Variants in USH2A observed in about 807,000 individuals in gnomAD.
The protein encoded by USH2A is usherin, also known as Usher syndrome 2A (autosomal recessive, mild).
Under a neutral mutation model 538.9 loss-of-function variants are expected in USH2A, and 443 were observed. The ratio of observed to expected loss-of-function variants is 0.82; its 90% CI spans 0.76 to 0.89. The LOEUF (loss-of-function observed/expected upper bound fraction) is 0.89, where lower values mean the gene tolerates loss of function less well. Among genes scored for constraint, USH2A ranks in the 40% least tolerant of loss-of-function variants. The pLI, the probability that USH2A is intolerant of heterozygous loss-of-function variation, is 0.00. For missense variants in USH2A, 6,633 were observed against 6,324.8 expected (o/e 1.05, Z -1.65); for synonymous variants, 2,413 against 2,273.5 (o/e 1.06, Z -1.75).
rs140218947 is a variant in USH2A, at chr1:216,338,029, T to C, written c.785-10375A>G. On this transcript the variant is annotated intron_variant, in intron 4 of 71. Transcript: ENST00000307340. ...AGACATAAAAGAAGATCTAAATAAA[T>C]AGAATGATATACTATGATCATGGAT... is the stretch of plus-strand genomic sequence containing the variant. Among the ~76,000 whole-genome samples, 203 of 151,418 alleles carry C rather than the reference T, an allele frequency of 1.3e-3. 1 individual carries two copies. The highest frequency in any genetic ancestry group is 7.0e-4 in the Non-Finnish European group (47 of 67,490).
chr1:216,340,791 A>C (rs1012508632), intron 4 of USH2A, among the ~76,000 whole-genome samples: 1 of 152,142 alleles, frequency 6.6e-6, no homozygotes. Context: ...AATAAAATTC[A>C]ACACCCCTTC....
intron 3 of USH2A, among the ~76,000 whole-genome samples, chr1:216,388,714 A>T (rs998069322): frequency 6.6e-6 from 1 of 152,240 alleles, no homozygotes; most frequent in African/African-American, 2.4e-5. Context: ...ACATCGGAGG[A>T]CAAGCTAGAG....
intron 43 of USH2A, among the ~76,000 whole-genome samples, chr1:215,874,574 C>T (rs530393507): frequency 6.6e-6 from 1 of 152,262 alleles, no homozygotes; most frequent in African/African-American, 2.4e-5. Flanking sequence ...GTTATAAACA[C>T]ATACTTAGCC....
chr1:215,818,019 TTTCTC>T (rs1662907136), intron 47 of USH2A, among the ~76,000 whole-genome samples: 1 of 152,000 alleles, frequency 6.6e-6, no homozygotes, highest in Non-Finnish European at 1.5e-5. Flanking sequence ...GTAAATATAT[TTTCTC>T]TTCCTTATGA....
intron 20 of USH2A, among the ~76,000 whole-genome samples, chr1:216,179,180 A>T (rs1000151684): frequency 6.6e-6 from 1 of 152,148 alleles, no homozygotes; most frequent in Non-Finnish European, 1.5e-5. Context: ...CATCAGTAGC[A>T]TAATCCAAAA....
At chr1:215,951,498 T>G (rs567991422) in intron 37 of USH2A, among the ~76,000 whole-genome samples, 136 of 152,284 alleles carry the variant, frequency 8.9e-4, no homozygotes, top group Non-Finnish European at 1.7e-3. Flanking sequence ...TTGGAATAGG[T>G]GTGGTGTGGT....
Position 216,295,619 on chromosome 1 carries a change from A to G in USH2A, c.1645-3249T>C, listed in dbSNP as rs571192211. 9.7e-4 allele frequency among the ~76,000 whole-genome samples: 147 copies of G among 152,054 alleles called. 1 individual carries two copies. Among genetic ancestry groups the G allele is most frequent in the African/African-American group, 3.4e-3 (141 of 41,564 alleles). ...TCAAGACAAGATTTATAATAAGTAA[A>G]TACCAGGATTTCTGAAAATCATTTT... On this transcript the variant is annotated intron_variant, in intron 9 of 71. Coordinates refer to ENST00000307340, the MANE Select transcript of USH2A (RefSeq NM_206933.4).
chr1:216,239,373 G>T (rs2035890795), intron 13 of USH2A, among the ~76,000 whole-genome samples: 2 of 152,134 alleles, frequency 1.3e-5, no homozygotes, highest in Admixed American at 1.3e-4. Context: ...ACAGGAGAAT[G>T]CCACTGAGGT....
At position 216,340,728 on chromosome 1, in the gene USH2A, A is replaced by C. The variant is rs890137202; in HGVS notation, c.785-13074T>G. On this transcript the variant is annotated intron_variant, in intron 4 of 71. Coordinates refer to ENST00000307340, the MANE Select transcript of USH2A (RefSeq NM_206933.4). ...AATAAACGTAATCTATCACATAAACAGAACCAATGACAAAATCACGTGATC... is the reference window on the plus strand; with the variant it reads ...AATAAACGTAATCTATCACATAAACCGAACCAATGACAAAATCACGTGATC... Among the ~76,000 whole-genome samples, 3 of 152,260 alleles carry C rather than the reference A, an allele frequency of 2.0e-5. No homozygotes were observed. In the South Asian group the frequency reaches 6.2e-4, roughly 31 times the overall value.
chr1:216,383,914 T>C (rs1558064305), intron 3 of USH2A, among the ~76,000 whole-genome samples: 2 of 149,056 alleles, frequency 1.3e-5, no homozygotes, highest in Non-Finnish European at 3.0e-5. Context: ...TTGCCCAACC[T>C]GGCCTTGAAA....
intron 60 of USH2A, 132 bp from the exon 61 acceptor site, chr1:215,728,516 G>A (rs1659899083): frequency 1.1e-6 from 1 of 898,818 alleles, no homozygotes; most frequent in Non-Finnish European, 1.7e-6. Flanking sequence ...TGGTGTCATA[G>A]TAAAGAAAAA....
intron 3 of USH2A, among the ~76,000 whole-genome samples, chr1:216,384,290 A>G (rs1198031559): frequency 1.3e-5 from 2 of 152,100 alleles, no homozygotes; most frequent in Non-Finnish European, 2.9e-5. Flanking sequence ...TTAAAAAAAT[A>G]AGAGAACAAT....
intron 11 of USH2A, among the ~76,000 whole-genome samples, chr1:216,281,475 G>A (rs1389820737): frequency 6.6e-6 from 1 of 152,052 alleles, no homozygotes; most frequent in African/African-American, 2.4e-5. Context: ...AACAAAACAA[G>A]CTTTCTCTAT....
At chr1:215,665,322 G>A (rs1203283937) in intron 64 of USH2A, among the ~76,000 whole-genome samples, 1 of 152,178 alleles carries the variant, frequency 6.6e-6, no homozygotes, top group Non-Finnish European at 1.5e-5. Flanking sequence ...CTCTAAGACT[G>A]ACCTACTGCT....
chr1:215,852,672 A>T (rs1285462021), intron 44 of USH2A, among the ~76,000 whole-genome samples: 1 of 152,210 alleles, frequency 6.6e-6, no homozygotes, highest in Non-Finnish European at 1.5e-5. Flanking sequence ...ATGGGGGTAC[A>T]GGCATTGGGT....
intron 50 of USH2A, among the ~76,000 whole-genome samples, chr1:215,796,561 A>C (rs1662142772): frequency 6.6e-6 from 1 of 152,106 alleles, no homozygotes; most frequent in Admixed American, 6.6e-5. Flanking sequence ...GTGTGTTCTG[A>C]CTGTTTCACA....
intron 30 of USH2A, among the ~76,000 whole-genome samples, chr1:216,067,582 T>A (rs2031422484): frequency 6.6e-6 from 1 of 151,268 alleles, no homozygotes; most frequent in Admixed American, 6.6e-5. Context: ...GGCTGGCCAG[T>A]AGATTAGAGG....
At chr1:215,725,159 A>G (rs1003672396) in intron 61 of USH2A, among the ~76,000 whole-genome samples, 1 of 152,000 alleles carries the variant, frequency 6.6e-6, no homozygotes, top group Non-Finnish European at 1.5e-5. Context: ...TCAGCCTCTC[A>G]AATAGTAAAA....
chr1:215,843,582 T>C (rs1230349069), intron 46 of USH2A, among the ~76,000 whole-genome samples: 1 of 152,154 alleles, frequency 6.6e-6, no homozygotes, highest in Admixed American at 6.5e-5. Flanking sequence ...AGTGCATAAA[T>C]ATTTTTCTAA....
Sources: allele counts gnomAD v4.1 joint callset (sites outside exome capture counted in the v4.1 genomes callset), GRCh38; gene constraint gnomAD v4.1.1; transcripts MANE v1.5; gene names NCBI Gene and HGNC (gene_info 2026-07-23, HGNC 2026-07-21).